The following HIPK2 variants were observed in gnomAD, a reference collection of about 807,000 sequenced individuals.
HIPK2 encodes the protein homeodomain interacting protein kinase 2, also known as homeodomain-interacting protein kinase 2.
In HIPK2, 27 loss-of-function variants were observed where a neutral mutation model predicts 113.7. That is an observed-to-expected ratio of 0.24 (90% CI 0.17 to 0.33). The LOEUF (loss-of-function observed/expected upper bound fraction) is 0.33. Among genes scored for constraint, HIPK2 ranks in the 10% least tolerant of loss-of-function variants. The pLI is 1.00. For missense variants in HIPK2, 1,257 were observed against 1,588.0 expected, an observed-to-expected ratio of 0.79 and a Z score of 3.54; for synonymous variants, 631 against 642.2, an observed-to-expected ratio of 0.98 and a Z score of 0.26.
At chr7:139,708,762 C>A (rs904842859) in intron 2 of HIPK2, among the ~76,000 whole-genome samples, 1 of 152,204 alleles carries the variant, frequency 6.6e-6, no homozygotes, top group African/African-American at 2.4e-5. Context: ...GTGTCTTTCA[C>A]CACATGGTGG....
chr7:139,661,641 A>T (rs1257596338), intron 2 of HIPK2, among the ~76,000 whole-genome samples: 3 of 152,232 alleles, frequency 2.0e-5, no homozygotes, highest in African/African-American at 7.2e-5. Flanking sequence ...AATCAGAGTA[A>T]GAATTGTCTT....
intron 2 of HIPK2, among the ~76,000 whole-genome samples, chr7:139,648,036 G>A (rs1368956656): frequency 6.6e-6 from 1 of 152,198 alleles, no homozygotes. Context: ...GTGCTCAGCT[G>A]CCACACAGCT....
At chr7:139,696,251 T>A (rs1415992568) in intron 2 of HIPK2, among the ~76,000 whole-genome samples, 1 of 152,090 alleles carries the variant, frequency 6.6e-6, no homozygotes, top group Non-Finnish European at 1.5e-5. Flanking sequence ...TAATTATCCA[T>A]GTGGCAAACC....
At chr7:139,673,195 G>A (rs751289096) in intron 2 of HIPK2, among the ~76,000 whole-genome samples, 12 of 151,646 alleles carry the variant, frequency 7.9e-5, no homozygotes, top group African/African-American at 1.7e-4. Context: ...TCTGGGGCCC[G>A]TGGAGAGAGA....
chr7:139,673,364 TTC>T (rs920120088), intron 2 of HIPK2, among the ~76,000 whole-genome samples: 4 of 151,886 alleles, frequency 2.6e-5, no homozygotes, highest in Admixed American at 6.6e-5. Context: ...AATCTGTCAG[TTC>T]TCTCTCTCTC....
intron 1 of HIPK2, among the ~76,000 whole-genome samples, chr7:139,757,303 T>G (rs980410155): frequency 4.6e-5 from 7 of 152,224 alleles, no homozygotes; most frequent in African/African-American, 1.7e-4. Flanking sequence ...AATTTATATA[T>G]GCCAAACTAC....
chr7:139,721,419 C>T (rs1795404400), intron 1 of HIPK2, among the ~76,000 whole-genome samples: 1 of 152,212 alleles, frequency 6.6e-6, no homozygotes, highest in South Asian at 2.1e-4. Context: ...GTTTAGCTTT[C>T]AGAGAGTTGA....
At chr7:139,635,192 C>T (rs1395558045) in intron 2 of HIPK2, among the ~76,000 whole-genome samples, 1 of 151,410 alleles carries the variant, frequency 6.6e-6, no homozygotes, top group African/African-American at 2.5e-5. Context: ...ATTCTTGTCA[C>T]CTGGCCTCTT....
rs149018425 is a variant in HIPK2 at position 139,579,643 on chromosome 7, G to A, written c.2965+4174C>T. Among the ~76,000 whole-genome samples, 277 of 149,856 alleles carry A rather than the reference G, an allele frequency of 1.8e-3. 1 individual carries two copies. Among genetic ancestry groups the A allele is most frequent in the Middle Eastern group, 3.4e-3 (1 of 292 alleles). ...TCTCAGCCTCTCAAGAAGGTCAAAG[G>A]AAAACCGGAAACCTGGGGACAGAAG... On this transcript the variant is annotated intron_variant, in intron 13 of 14. Transcript: ENST00000406875.
At chr7:139,638,887 G>A (rs538524897) in intron 2 of HIPK2, among the ~76,000 whole-genome samples, 1 of 152,236 alleles carries the variant, frequency 6.6e-6, no homozygotes, top group East Asian at 1.9e-4. Flanking sequence ...TCGATCTCCT[G>A]ACCTCGTGAT....
chr7:139,775,737 AC>A (rs1429330427), intron 1 of HIPK2, among the ~76,000 whole-genome samples: 3 of 152,198 alleles, frequency 2.0e-5, no homozygotes, highest in Non-Finnish European at 4.4e-5. Context: ...AACTGGAAGA[AC>A]AATGTAGCAG....
chr7:139,655,736 A>G (rs563115140), intron 2 of HIPK2, among the ~76,000 whole-genome samples: 2 of 152,244 alleles, frequency 1.3e-5, no homozygotes, highest in South Asian at 4.2e-4. Flanking sequence ...TGTATTTTGG[A>G]AACATAATGA....
chr7:139,573,199 C>T lies in HIPK2; in HGVS notation c.3325G>A (p.Ala1109Thr). 6.2e-7 allele frequency: 1 copy of T among 1,606,874 alleles called. No individual in the cohort carries two copies. Among genetic ancestry groups the T allele is most frequent in the Non-Finnish European group, 8.5e-7 (1 of 1,179,132 alleles). ...QPHLYTYTAP[A>T]ALGSTGTVAH... is the part of the protein sequence containing the mutation. ...ACGGTGCCGGTGGAGCCCAGGGCCG[C>T]CGGCGCAGTGTAGGTGTAGAGGTGG... The change falls in exon 15 of 15, where the codon GCG becomes ACG. Residue 1109 changes from alanine (A) to threonine (T), a missense_variant. This residue lies in a region of HIPK2 where 862 missense variants were observed against 1,004.3 expected (regional missense o/e 0.86). Transcript: ENST00000406875.
chr7:139,572,108 A>C lies in HIPK2; in HGVS notation c.*819T>G, dbSNP rs1041358572. The C allele has an allele frequency of 3.9e-5, 6 of 152,214 alleles. No homozygotes were observed. The highest frequency in any genetic ancestry group is 1.4e-4 in the African/African-American group (6 of 41,442). The allele number at this position is 152,214 out of a possible 1,614,324, so 9.4% of individuals were successfully genotyped here. On this transcript the variant is annotated 3_prime_UTR_variant, in exon 15 of 15. Transcript: ENST00000406875. ...AGGGGTGGATTCAAAGAGAAAATACATTTTCAGAAAAGAAAAAAACCTAAA... is the reference window on the plus strand; with the variant it reads ...AGGGGTGGATTCAAAGAGAAAATACCTTTTCAGAAAAGAAAAAAACCTAAA...
At chr7:139,641,532 C>A (rs980414270) in intron 2 of HIPK2, among the ~76,000 whole-genome samples, 5 of 152,182 alleles carry the variant, frequency 3.3e-5, no homozygotes, top group African/African-American at 9.7e-5. Flanking sequence ...GACAGCCATG[C>A]GCTTGGGCTG....
rs191895087 is a variant in HIPK2, at chr7:139,756,959, G to T, written c.19+20646C>A. On this transcript the variant is annotated intron_variant, in intron 1 of 14. Transcript: ENST00000406875. ...TGGAACACAGCCCTTGGTAAACCTAGAACTTGTAAAATACATATGAACTGA... is the reference window on the plus strand; with the variant it reads ...TGGAACACAGCCCTTGGTAAACCTATAACTTGTAAAATACATATGAACTGA... Among the ~76,000 whole-genome samples the T allele has an allele frequency of 3.2e-3, 483 of 152,276 alleles. 1 individual carries two copies. Among genetic ancestry groups the T allele is most frequent in the Non-Finnish European group, 3.6e-3 (244 of 68,018 alleles).
At chr7:139,687,326 T>C (rs754911845) in intron 2 of HIPK2, among the ~76,000 whole-genome samples, 1 of 152,150 alleles carries the variant, frequency 6.6e-6, no homozygotes, top group South Asian at 2.1e-4. Context: ...GTACAAATGA[T>C]TGCACACAAA....
chr7:139,581,715 G>A (rs755412147), intron 13 of HIPK2, among the ~76,000 whole-genome samples: 3 of 152,146 alleles, frequency 2.0e-5, no homozygotes, highest in African/African-American at 7.2e-5. Flanking sequence ...CTGCTTTCCC[G>A]ACTTTTCCAA....
intron 7 of HIPK2, among the ~76,000 whole-genome samples, chr7:139,617,536 G>A (rs758072171): frequency 3.9e-5 from 6 of 152,148 alleles, no homozygotes; most frequent in Admixed American, 1.3e-4. Flanking sequence ...AGAATTCCAC[G>A]GAAATGTTAG....
Sources: gnomAD v4.1 joint callset for allele counts (sites outside exome capture counted in the v4.1 genomes callset) on GRCh38, gnomAD v4.1.1 for gene constraint, gnomAD v4.1.1 regional missense constraint, MANE v1.5 for transcripts, NCBI Gene and HGNC (gene_info 2026-07-23, HGNC 2026-07-21) for gene names.